The following ENTREP3 variants were observed in gnomAD, a reference collection of about 807,000 sequenced individuals.
ENTREP3 encodes the protein endosomal transmembrane epsin interactor 3, also known as protein ENTREP3.
the ENTREP3 span, chr1:155,251,085 C>A: frequency 6.2e-7 from 1 of 1,610,832 alleles, no homozygotes; most frequent in Non-Finnish European, 8.5e-7. Context: ...CCTCATTACG[C>A]CCTGCTCACC....
chr1:155,247,722 G>A, the ENTREP3 span: 4 of 1,422,660 alleles, frequency 2.8e-6, no homozygotes, highest in South Asian at 1.5e-5. Context: ...GCTGGGGGCT[G>A]CTGGTCCCAA....
At chr1:155,247,216 A>G in the ENTREP3 span, 1 of 337,648 alleles carries the variant, frequency 3.0e-6, no homozygotes, top group South Asian at 2.3e-5. Flanking sequence ...GATCAAGAAA[A>G]CAAGGGGAAA....
chr1:155,254,834 C>T, the ENTREP3 span: 7 of 1,600,244 alleles, frequency 4.4e-6, no homozygotes, highest in Admixed American at 1.7e-5. The surrounding 1 kb of genome is among the most constrained non-coding windows in gnomAD (Gnocchi z 4.4). Context: ...GGTGCTGGGC[C>T]GGCTGGTCAG....
At chr1:155,254,278 C>T in the ENTREP3 span, 1 of 1,485,852 alleles carries the variant, frequency 6.7e-7, no homozygotes, top group Non-Finnish European at 9.4e-7. The surrounding 1 kb of genome is among the most constrained non-coding windows in gnomAD (Gnocchi z 4.4). Flanking sequence ...CCTTCACAGA[C>T]ACTTCGTGCC....
chr1:155,254,480 T>C, the ENTREP3 span: 1 of 1,613,886 alleles, frequency 6.2e-7, no homozygotes, highest in South Asian at 1.1e-5. This position sits in a 1 kb window ranked among gnomAD's most constrained non-coding sequence, Gnocchi z 4.4. Context: ...GGGCACAGGC[T>C]CAGCCTGGCA....
the ENTREP3 span, chr1:155,247,791 A>G: frequency 2.1e-6 from 3 of 1,462,022 alleles, no homozygotes; most frequent in Non-Finnish European, 2.7e-6. Context: ...GTCAGAGCCC[A>G]GTCTCCCGGC....
the ENTREP3 span, chr1:155,254,229 C>A: frequency 6.4e-7 from 1 of 1,554,544 alleles, no homozygotes; most frequent in Non-Finnish European, 8.9e-7. This position sits in a 1 kb window ranked among gnomAD's most constrained non-coding sequence, Gnocchi z 4.4. Context: ...AGGGCTGGGA[C>A]CCTCATGAGT....
chr1:155,251,021 T>G, the ENTREP3 span: 3 of 1,446,442 alleles, frequency 2.1e-6, no homozygotes, highest in Non-Finnish European at 2.9e-6. Context: ...TGTTTTCCCC[T>G]TCTATTGTCT....
At chr1:155,247,582 CA>C in the ENTREP3 span, 3 of 721,374 alleles carry the variant, frequency 4.2e-6, no homozygotes, top group Non-Finnish European at 7.7e-6. Flanking sequence ...ACCCATGCAG[CA>C]CAGGACAGAA....
the ENTREP3 span, chr1:155,250,786 T>C: frequency 6.2e-7 from 1 of 1,610,130 alleles, no homozygotes; most frequent in African/African-American, 1.3e-5. This position sits in a 1 kb window ranked among gnomAD's most constrained non-coding sequence, Gnocchi z 5.4. Flanking sequence ...AGGTCACCAA[T>C]GGCTGACAGC....
At chr1:155,249,333 C>G in the ENTREP3 span, among the ~76,000 whole-genome samples, 2 of 152,018 alleles carry the variant, frequency 1.3e-5, no homozygotes, top group South Asian at 4.2e-4. Flanking sequence ...TCAGGTGATC[C>G]ACCCACCTCA....
chr1:155,249,508 C>T, the ENTREP3 span, among the ~76,000 whole-genome samples: 2 of 152,022 alleles, frequency 1.3e-5, no homozygotes, highest in African/African-American at 2.4e-5. Context: ...TTTTGGGAGG[C>T]CGAGGCGGGT....
At chr1:155,248,764 G>C in the ENTREP3 span, among the ~76,000 whole-genome samples, 1 of 151,832 alleles carries the variant, frequency 6.6e-6, no homozygotes, top group African/African-American at 2.4e-5. Flanking sequence ...GCCCAGGCCG[G>C]AGTGCAGTGG....
At chr1:155,252,198 A>C in the ENTREP3 span, 6 of 331,840 alleles carry the variant, frequency 1.8e-5, no homozygotes, top group East Asian at 4.8e-5. Context: ...CCTCACCTCC[A>C]TCTAGGACCT....
the ENTREP3 span, chr1:155,250,670 G>A: frequency 1.2e-6 from 2 of 1,612,480 alleles, no homozygotes; most frequent in Non-Finnish European, 1.7e-6. The surrounding 1 kb of genome is among the most constrained non-coding windows in gnomAD (Gnocchi z 5.4). Context: ...GGCAGTAGCC[G>A]GCACGGCTGC....
At chr1:155,247,734 C>T in the ENTREP3 span, 1 of 1,452,466 alleles carries the variant, frequency 6.9e-7, no homozygotes. Context: ...TGGTCCCAAC[C>T]AGCTGGTGCC....
At chr1:155,255,012 G>A in the ENTREP3 span, 1 of 696,960 alleles carries the variant, frequency 1.4e-6, no homozygotes, top group Non-Finnish European at 2.4e-6. The surrounding 1 kb of genome is among the most constrained non-coding windows in gnomAD (Gnocchi z 5.6). Flanking sequence ...GGGTCCCCTG[G>A]GGCATGGCCG....
the ENTREP3 span, among the ~76,000 whole-genome samples, chr1:155,249,582 A>G: frequency 6.6e-6 from 1 of 151,788 alleles, no homozygotes; most frequent in South Asian, 2.1e-4. Flanking sequence ...TGTCTCTACT[A>G]AAAAATACAA....
At chr1:155,247,693 C>T in the ENTREP3 span, 3 of 1,270,026 alleles carry the variant, frequency 2.4e-6, no homozygotes, top group Admixed American at 2.5e-5. Flanking sequence ...TCTTTTTGTG[C>T]CAGCCAGTGC....
Sources: allele counts gnomAD v4.1 joint callset (sites outside exome capture counted in the v4.1 genomes callset), GRCh38; gene constraint gnomAD v4.1.1; non-coding constraint Gnocchi (gnomAD v3.1); transcripts MANE v1.5; gene names NCBI Gene and HGNC (gene_info 2026-07-23, HGNC 2026-07-21).